The following ULK1 variants were observed in gnomAD, a reference collection of about 807,000 sequenced individuals.
The protein encoded by ULK1 is unc-51 like autophagy activating kinase 1, also known as serine/threonine-protein kinase ULK1.
ULK1 carries 48 observed loss-of-function variants against 117.5 expected under a neutral mutation model. The ratio of observed to expected loss-of-function variants is 0.41; its 90% CI spans 0.32 to 0.52. The LOEUF (loss-of-function observed/expected upper bound fraction) is 0.52. ULK1 is among the 20% of genes least tolerant of loss of function. The pLI, the probability that ULK1 is intolerant of heterozygous loss-of-function variation, is 0.29. For missense variants in ULK1, 1,387 were observed against 1,473.4 expected (o/e 0.94, Z 0.96); for synonymous variants, 790 against 637.8 (o/e 1.24, Z -3.60).
At chr12:131,895,260 C>T (rs1888819860) in intron 1 of ULK1, 148 bp downstream of exon 1, 2 of 631,088 alleles carry the variant, frequency 3.2e-6, no homozygotes, top group Middle Eastern at 4.4e-4. Context: ...CCCAGGATCC[C>T]CACCCCGCGA....
intron 11 of ULK1, 92 bp downstream of exon 11, chr12:131,910,396 G>A: frequency 1.3e-6 from 2 of 1,562,878 alleles, no homozygotes; most frequent in Non-Finnish European, 1.8e-6. Context: ...TGGGGCAGAG[G>A]GAGCAGGTCT....
Position 131,921,963 on chromosome 12 carries a change from A to G in ULK1, c.*602A>G, listed in dbSNP as rs1890169347. On this transcript the variant is annotated 3_prime_UTR_variant, in exon 28 of 28. Transcript: ENST00000321867. ...ATGCCAGGGCCCCCCAAGCCCGAGC[A>G]CCGGACCACGTTGCTGCCCAGGTCT... 1 of 456,232 alleles carries G rather than the reference A, an allele frequency of 2.2e-6. No individual in the cohort carries two copies. The highest frequency in any genetic ancestry group is 2.0e-5 in the African/African-American group (1 of 50,206). The allele number at this position is 456,232 out of a possible 1,614,324, so 28.3% of individuals were successfully genotyped here. A position where few individuals can be genotyped will look rare whatever the true frequency, so the allele number is the denominator to read the frequency against.
In ULK1 at chr12:131,921,400, C is replaced by T. The variant is rs1890146003; in HGVS notation, c.*39C>T. 1.9e-6 allele frequency: 3 copies of T among 1,599,676 alleles called. No individual in the cohort carries two copies. In the East Asian group the frequency reaches 6.7e-5, roughly 36 times the overall value. On this transcript the variant is annotated 3_prime_UTR_variant, in exon 28 of 28. Coordinates refer to ENST00000321867, the MANE Select transcript of ULK1 (RefSeq NM_003565.4). ...GCTGGGCCCCCCGTCCTGCCGAGCC[C>T]TGCAGAGTGGGCTCTGTGTGCTGGC...
At position 131,894,789 on chromosome 12, in the gene ULK1, G is replaced by A. The variant is rs1888788941; in HGVS notation, c.-213G>A. 1 of 150,378 alleles carries A rather than the reference G, an allele frequency of 6.6e-6. No homozygotes were observed. The highest frequency in any genetic ancestry group is 1.5e-5 in the Non-Finnish European group (1 of 67,640). The allele number at this position is 150,378 out of a possible 1,614,324, so 9.3% of individuals were successfully genotyped here. On this transcript the variant is annotated 5_prime_UTR_variant, in exon 1 of 28. Transcript: ENST00000321867. ...GAGTGCCGTGGCACAGGCGCCGGAG[G>A]GAGCGCGACCCTCGGACCCCGCCTG...
chr12:131,921,541 C>T lies in ULK1; in HGVS notation c.*180C>T. The T allele has an allele frequency of 1.2e-6, 1 of 858,372 alleles. No homozygotes were observed. The highest frequency in any genetic ancestry group is 1.6e-5 in the South Asian group (1 of 64,190). The allele number at this position is 858,372 out of a possible 1,614,324, so 53.2% of individuals were successfully genotyped here. A position where few individuals can be genotyped will look rare whatever the true frequency, so the allele number is the denominator to read the frequency against. On this transcript the variant is annotated 3_prime_UTR_variant, in exon 28 of 28. Coordinates refer to ENST00000321867, the MANE Select transcript of ULK1 (RefSeq NM_003565.4). ...AGCTCACGGGGCAGAACCAGCACAT[C>T]TGGAGCCACACAGCTTGGGGGGTGT...
chr12:131,921,483 C>T lies in ULK1; in HGVS notation c.*122C>T. The stretch of plus-strand genomic sequence containing the variant: ...CGCTGGTGCTGAGCCCTGCCCTGGG[C>T]CCCACGGACAGTCAGCCTGCCGGCC... On this transcript the variant is annotated 3_prime_UTR_variant, in exon 28 of 28. Coordinates refer to ENST00000321867, the MANE Select transcript of ULK1 (RefSeq NM_003565.4). The T allele has an allele frequency of 1.4e-6, 2 of 1,451,150 alleles. No homozygotes were observed. The highest frequency in any genetic ancestry group is 1.8e-5 in the Admixed American group (1 of 56,720). The allele number at this position is 1,451,150 out of a possible 1,614,324, so 89.9% of individuals were successfully genotyped here.
At chr12:131,898,418 C>G (rs1223701310) in intron 3 of ULK1, among the ~76,000 whole-genome samples, 1 of 152,144 alleles carries the variant, frequency 6.6e-6, no homozygotes, top group Non-Finnish European at 1.5e-5. Context: ...ATGTGTCTCC[C>G]TAGGTCCTTG....
chr12:131,916,620 G>A (rs775117993), intron 20 of ULK1, 29 bp downstream of exon 20: 7 of 1,521,420 alleles, frequency 4.6e-6, no homozygotes, highest in Non-Finnish European at 6.1e-6. Flanking sequence ...CCTTGGACGG[G>A]CTTCTGAGGG....
rs1408754141 is a variant in ULK1, at chr12:131,921,169, C to T, written c.3031C>T (p.Leu1011=). ...EGCVPRYHKA[L]LLLEGLQHML... ...CTGCGTCCCACGCTACCACAAGGCCCTGCTGCTCCTGGAGGGGCTGCAGCA... is the reference window on the plus strand; with the variant it reads ...CTGCGTCCCACGCTACCACAAGGCCTTGCTGCTCCTGGAGGGGCTGCAGCA... The change falls in exon 27 of 28, where the codon CTG becomes TTG. Residue 1011 remains leucine, a synonymous_variant. Coordinates refer to ENST00000321867, the MANE Select transcript of ULK1 (RefSeq NM_003565.4). 4 of 1,605,494 alleles carry T rather than the reference C, an allele frequency of 2.5e-6. No individual in the cohort carries two copies. The Admixed American group carries it at 5.0e-5, about 20-fold the overall frequency.
Position 131,921,416 on chromosome 12 carries a change from G to C in ULK1, c.*55G>C. Reference sequence around the variant, plus strand: ...TGCCGAGCCCTGCAGAGTGGGCTCTGTGTGCTGGCTGGACTCCTCGGGACA... The same window carrying C: ...TGCCGAGCCCTGCAGAGTGGGCTCTCTGTGCTGGCTGGACTCCTCGGGACA... On this transcript the variant is annotated 3_prime_UTR_variant, in exon 28 of 28. Coordinates refer to ENST00000321867, the MANE Select transcript of ULK1 (RefSeq NM_003565.4). The C allele has an allele frequency of 1.3e-6, 2 of 1,597,744 alleles. No homozygotes were observed. The highest frequency in any genetic ancestry group is 1.7e-6 in the Non-Finnish European group (2 of 1,179,050).
chr12:131,909,625 C>G lies in ULK1; in HGVS notation c.667-150C>G, dbSNP rs146375784. 5.7e-3 allele frequency: 4,657 copies of G among 811,312 alleles called. 17 individuals carry two copies. Among genetic ancestry groups the G allele is most frequent in the Non-Finnish European group, 7.5e-3 (3,975 of 533,208 alleles). The allele number at this position is 811,312 out of a possible 1,614,324, so 50.3% of individuals were successfully genotyped here. On this transcript the variant is annotated intron_variant, in intron 8 of 27. Coordinates refer to ENST00000321867, the MANE Select transcript of ULK1 (RefSeq NM_003565.4). ...CCTCCCCGCCCCCATGCTCATACCT[C>G]CAGCAGCAAACAGCCGCGCTAGCAC...
chr12:131,920,396 G>A (rs1389941007), intron 26 of ULK1: 2 of 472,934 alleles, frequency 4.2e-6, no homozygotes, highest in Non-Finnish European at 7.6e-6. Flanking sequence ...ATTGTAAAAT[G>A]AGAGACTTGG....
At position 131,921,585 on chromosome 12, in the gene ULK1, G is replaced by A. The variant is rs1226559430; in HGVS notation, c.*224G>A. On this transcript the variant is annotated 3_prime_UTR_variant, in exon 28 of 28. Transcript: ENST00000321867. Reference sequence around the variant, plus strand: ...GGGGTGTCTCCCATCTTTTACAGGTGGGGATCACAGAATTTCTGCCCCTCC... The same window carrying A: ...GGGGTGTCTCCCATCTTTTACAGGTAGGGATCACAGAATTTCTGCCCCTCC... The A allele has an allele frequency of 1.5e-6, 1 of 674,772 alleles. No homozygotes were observed. Among genetic ancestry groups the A allele is most frequent in the South Asian group, 1.8e-5 (1 of 54,196 alleles). The allele number at this position is 674,772 out of a possible 1,614,324, so 41.8% of individuals were successfully genotyped here.
rs1168770382 is a variant in ULK1, at chr12:131,917,307, G to GGTCAGGT, written c.2183-103_2183-102insTCAGGTG. 2 of 34,734 alleles carry GGTCAGGT rather than the reference G, an allele frequency of 5.8e-5. 1 individual carries two copies. Among genetic ancestry groups the GGTCAGGT allele is most frequent in the Non-Finnish European group, 9.9e-5 (2 of 20,164 alleles). 2.2% of individuals were successfully genotyped at this position (34,734 alleles called of 1,614,324 possible). On this transcript the variant is annotated intron_variant, in intron 21 of 27. Transcript: ENST00000321867. Reference sequence around the variant, plus strand: ...CGGAGGCTGTGGGACGGGGGTTGGGGGGAGCTCGGAGGCCGTGGGATGGGG... The same window carrying GGTCAGGT: ...CGGAGGCTGTGGGACGGGGGTTGGGGGTCAGGTGGAGCTCGGAGGCCGTGGGATGGGG...
intron 6 of ULK1, 37 bp downstream of exon 6, chr12:131,908,854 G>C (rs750084575): frequency 3.7e-6 from 6 of 1,605,598 alleles, no homozygotes; most frequent in Non-Finnish European, 4.2e-6. Context: ...CCGGCGGGGA[G>C]GGGCTCCGGG....
At position 131,921,522 on chromosome 12, in the gene ULK1, C is replaced by G. The variant is rs143997642; in HGVS notation, c.*161C>G. ...AGCCTGCCGGCCTCCCTGCAGCTCA[C>G]GGGGCAGAACCAGCACATCTGGAGC... On this transcript the variant is annotated 3_prime_UTR_variant, in exon 28 of 28. Transcript: ENST00000321867. 5 of 1,040,098 alleles carry G rather than the reference C, an allele frequency of 4.8e-6. No homozygotes were observed. The highest frequency in any genetic ancestry group is 7.2e-6 in the Non-Finnish European group (5 of 696,836). The allele number at this position is 1,040,098 out of a possible 1,614,324, so 64.4% of individuals were successfully genotyped here.
chr12:131,919,479 G>C lies in ULK1; in HGVS notation c.2692G>C (p.Glu898Gln). The part of the protein sequence containing the change: ...SLLSREWGFA[E>Q]QLVLYLKVAE... ...TCTGCCTGCCGCCCCCAGCTTCGCG[G>C]AACAGCTGGTGCTGTACCTGAAGGT... Residue 898 changes from glutamate to glutamine, a missense_variant, in exon 25 of 28, where the codon GAA becomes CAA. Transcript: ENST00000321867. 1 of 1,610,658 alleles carries C rather than the reference G, an allele frequency of 6.2e-7. No homozygotes were observed. Among genetic ancestry groups the C allele is most frequent in the Non-Finnish European group, 8.5e-7 (1 of 1,178,898 alleles).
chr12:131,921,334 G>A lies in ULK1; in HGVS notation c.3126G>A (p.Ser1042=), dbSNP rs11546872. ...KCKLCIERRL[S]ALLTGICA is the part of the protein sequence containing the mutation. Reference sequence around the variant, plus strand: ...AGCTGTGCATTGAGCGGAGACTCTCGGCGCTGCTGACTGGCATCTGTGCCT... The same window carrying A: ...AGCTGTGCATTGAGCGGAGACTCTCAGCGCTGCTGACTGGCATCTGTGCCT... Residue 1042 remains serine (S), a synonymous_variant, in exon 28 of 28, where the codon TCG becomes TCA. Coordinates refer to ENST00000321867, the MANE Select transcript of ULK1 (RefSeq NM_003565.4). 15,674 of 1,605,852 alleles carry A rather than the reference G, an allele frequency of 9.8e-3. 504 individuals are homozygous for A. Among genetic ancestry groups the A allele is most frequent in the South Asian group, 0.089 (8,087 of 91,082 alleles).
intron 11 of ULK1, 69 bp from the exon 12 acceptor site, chr12:131,910,643 G>A (rs1889490029): frequency 3.1e-6 from 5 of 1,612,366 alleles, no homozygotes; most frequent in Non-Finnish European, 4.2e-6. Context: ...TGTCCAGTCT[G>A]TGGGTTGGCT....
Sources: allele counts gnomAD v4.1 joint callset (sites outside exome capture counted in the v4.1 genomes callset), GRCh38; gene constraint gnomAD v4.1.1; transcripts MANE v1.5; gene names NCBI Gene and HGNC (gene_info 2026-07-23, HGNC 2026-07-21).